KDM4B: variants seen among roughly 807,000 people sequenced by gnomAD.
KDM4B encodes the protein lysine demethylase 4B, also known as lysine-specific demethylase 4B.
A neutral mutation model predicts 125.2 loss-of-function variants in KDM4B; 32 were observed. That is an observed-to-expected ratio of 0.26 (90% CI 0.19 to 0.34). The LOEUF (loss-of-function observed/expected upper bound fraction) is 0.34, where lower values mean the gene tolerates loss of function less well. Ranked by LOEUF, KDM4B falls within the 10% of genes least tolerant of loss-of-function variation. The pLI is 1.00. For missense variants in KDM4B, 1,190 were observed against 1,577.7 expected, an observed-to-expected ratio of 0.75 and a Z score of 4.16; for synonymous variants, 721 against 677.9, an observed-to-expected ratio of 1.06 and a Z score of -0.99.
chr19:5,028,487 A>G (rs2036351172), intron 2 of KDM4B, among the ~76,000 whole-genome samples: 1 of 152,068 alleles, frequency 6.6e-6, no homozygotes, highest in African/African-American at 2.4e-5. Flanking sequence ...CTGTTGGTGG[A>G]CACCTGGGTC....
Position 5,144,561 on chromosome 19 carries a change from C to T in KDM4B, c.2901+149C>T, listed in dbSNP as rs552675007. On this transcript the variant is annotated intron_variant, in intron 20 of 22. Transcript: ENST00000159111. ...GATCCCTTCATGGGGTCCCCTTGTC[C>T]TCAGGGCCCCAGGCCCCTTCAGGAA... 4.9e-5 allele frequency: 48 copies of T among 979,772 alleles called. No homozygotes were observed. The East Asian group carries it at 1.0e-3, about 20-fold the overall frequency. The allele number at this position is 979,772 out of a possible 1,614,324, so 60.7% of individuals were successfully genotyped here. A position where few individuals can be genotyped will look rare whatever the true frequency, so the allele number is the denominator to read the frequency against.
chr19:5,111,648 G>A (rs1005096036), intron 10 of KDM4B: 11 of 703,810 alleles, frequency 1.6e-5, no homozygotes, highest in African/African-American at 1.6e-4. Context: ...CCTGTTTGGT[G>A]CCCAAGGAAC....
At chr19:5,108,041 G>A (rs1380343019) in intron 9 of KDM4B, among the ~76,000 whole-genome samples, 1 of 152,226 alleles carries the variant, frequency 6.6e-6, no homozygotes, top group Non-Finnish European at 1.5e-5. Context: ...CCCTGGAGCA[G>A]GGGATGCATC....
intron 2 of KDM4B, among the ~76,000 whole-genome samples, chr19:5,027,434 C>T (rs2036314759): frequency 6.6e-6 from 1 of 152,180 alleles, no homozygotes; most frequent in Non-Finnish European, 1.5e-5. Flanking sequence ...CTTGTCCTCT[C>T]TCAGCTGAGA....
chr19:5,038,345 G>A (rs1169142220), intron 3 of KDM4B, among the ~76,000 whole-genome samples: 2 of 152,238 alleles, frequency 1.3e-5, no homozygotes, highest in African/African-American at 4.8e-5. Flanking sequence ...ACCAGAGGAG[G>A]GAACATGAGG....
At position 4,974,645 on chromosome 19, in the gene KDM4B, C is replaced by T. The variant is rs538159866; in HGVS notation, c.-109+5415C>T. ...CCCAGCTACTCGGGATGTGGGGGCA[C>T]GAGAATCTCTGGAACCTGGGAGGCA... is the stretch of plus-strand genomic sequence containing the variant. On this transcript the variant is annotated intron_variant, in intron 1 of 22. Coordinates refer to ENST00000159111, the MANE Select transcript of KDM4B (RefSeq NM_015015.3). Among the ~76,000 whole-genome samples the T allele has an allele frequency of 4.9e-4, 73 of 147,496 alleles. No individual in the cohort carries two copies. In the East Asian group the frequency reaches 7.3e-3, roughly 15 times the overall value.
chr19:5,077,084 A>G (rs1037564146), intron 7 of KDM4B: 6 of 444,780 alleles, frequency 1.3e-5, no homozygotes, highest in African/African-American at 1.2e-4. Flanking sequence ...GAGACCAGGC[A>G]TCTGCTCACA....
chr19:5,059,833 A>G (rs1211353511), intron 6 of KDM4B, among the ~76,000 whole-genome samples: 2 of 152,202 alleles, frequency 1.3e-5, no homozygotes, highest in African/African-American at 2.4e-5. Flanking sequence ...CACAGCCTGC[A>G]GGTATCCAGA....
Position 5,071,076 on chromosome 19 carries a change from A to G in KDM4B, c.676+17A>G, listed in dbSNP as rs570476881. ...TGGCCATCGGTAGGTGCCTGCCCTGAGGGCCCCAGGGACCTGGGACCAGGT... is the reference window on the plus strand; with the variant it reads ...TGGCCATCGGTAGGTGCCTGCCCTGGGGGCCCCAGGGACCTGGGACCAGGT... On this transcript the variant is annotated intron_variant, in intron 7 of 22. Coordinates refer to ENST00000159111, the MANE Select transcript of KDM4B (RefSeq NM_015015.3). The G allele has an allele frequency of 8.3e-5, 134 of 1,611,398 alleles. 2 individuals are homozygous for G. The South Asian group carries it at 1.3e-3, about 16-fold the overall frequency.
chr19:5,056,820 G>A (rs928879584), intron 6 of KDM4B, among the ~76,000 whole-genome samples: 1 of 150,998 alleles, frequency 6.6e-6, no homozygotes, highest in Non-Finnish European at 1.5e-5. Flanking sequence ...GGGGCGGGGA[G>A]TCCTGGGGTG....
At chr19:5,029,712 AGCTAGTTGGGAGG>A (rs2036390761) in intron 2 of KDM4B, among the ~76,000 whole-genome samples, 1 of 152,214 alleles carries the variant, frequency 6.6e-6, no homozygotes, top group Admixed American at 6.5e-5. Flanking sequence ...CTGTGGTCCC[AGCTAGTTGGGAGG>A]CTGAGGCGGG....
intron 2 of KDM4B, among the ~76,000 whole-genome samples, chr19:5,023,332 G>T (rs538006294): frequency 2.6e-5 from 4 of 152,166 alleles, no homozygotes; most frequent in African/African-American, 9.7e-5. Context: ...AGTGAATCCC[G>T]GTCTTGCCAG....
At chr19:5,052,537 C>A (rs1345689564) in intron 6 of KDM4B, among the ~76,000 whole-genome samples, 1 of 152,166 alleles carries the variant, frequency 6.6e-6, no homozygotes, top group Admixed American at 6.5e-5. Context: ...TGCTCCCTTA[C>A]CCCTCTGCTG....
intron 18 of KDM4B, among the ~76,000 whole-genome samples, chr19:5,139,344 C>T (rs1052496027): frequency 8.5e-5 from 13 of 152,296 alleles, no homozygotes; most frequent in South Asian, 2.1e-4. Context: ...TCCGGGCACC[C>T]GCCGATGTCT....
At chr19:5,080,369 T>A (rs1186504128) in intron 8 of KDM4B, among the ~76,000 whole-genome samples, 1 of 152,192 alleles carries the variant, frequency 6.6e-6, no homozygotes, top group Non-Finnish European at 1.5e-5. Context: ...TGAGAACTCC[T>A]ACAAATCAGA....
At chr19:5,064,011 C>T (rs1005267331) in intron 6 of KDM4B, among the ~76,000 whole-genome samples, 2 of 152,238 alleles carry the variant, frequency 1.3e-5, no homozygotes, top group African/African-American at 4.8e-5. Flanking sequence ...CTGTAGCCGG[C>T]TTGCTCTCCT....
At chr19:5,150,324 G>T (rs1265029783) in intron 21 of KDM4B, 34 bp from the exon 22 acceptor site, 3 of 1,529,412 alleles carry the variant, frequency 2.0e-6, no homozygotes, top group African/African-American at 2.8e-5. Context: ...CATCCTGGCA[G>T]TGCCAGGCCC....
intron 8 of KDM4B, chr19:5,077,867 C>T: frequency 4.6e-6 from 1 of 216,866 alleles, no homozygotes; most frequent in Non-Finnish European, 9.3e-6. Context: ...TTCCTACCGC[C>T]CCAGGCCACA....
chr19:5,040,987 G>C, intron 4 of KDM4B, 150 bp from the exon 5 acceptor site: 2 of 520,588 alleles, frequency 3.8e-6, no homozygotes, highest in South Asian at 4.2e-5. Flanking sequence ...CCGGAAGCAG[G>C]TTGCGTGGTA....
Sources: allele counts gnomAD v4.1 joint callset (sites outside exome capture counted in the v4.1 genomes callset), GRCh38; gene constraint gnomAD v4.1.1; transcripts MANE v1.5; gene names NCBI Gene and HGNC (gene_info 2026-07-23, HGNC 2026-07-21).